CHODL: variants seen among roughly 807,000 people sequenced by gnomAD.
The protein encoded by CHODL is transmembrane protein MT75.
Under a neutral mutation model 34.5 loss-of-function variants are expected in CHODL, and 29 were observed. That is an observed-to-expected ratio of 0.84 (90% CI 0.63 to 1.15). CHODL has a LOEUF of 1.15. Among genes scored for constraint, CHODL ranks in the 50% most tolerant of loss-of-function variants. The probability of loss-of-function intolerance (pLI) is 0.00; values close to 1 mark genes in which losing one functional copy is unlikely to be tolerated. For synonymous variants in CHODL, 125 were observed against 116.1 expected (o/e 1.08, Z -0.49); for missense variants, 332 against 332.5 (o/e 1.00, Z 0.01).
At chr21:18,040,607 G>C (rs1326286946) in intron 2 of CHODL, among the ~76,000 whole-genome samples, 5 of 151,722 alleles carry the variant, frequency 3.3e-5, no homozygotes, top group African/African-American at 1.2e-4. Flanking sequence ...GTAACAAAAA[G>C]CTTCTTAATG....
At chr21:18,098,493 CTCA>C (rs1336040640) in intron 2 of CHODL, among the ~76,000 whole-genome samples, 4 of 152,008 alleles carry the variant, frequency 2.6e-5, no homozygotes, top group Admixed American at 2.0e-4. Context: ...GTGCTCACTT[CTCA>C]TCAGAGAAAT....
At chr21:17,973,408 T>A (rs866904506) in intron 1 of CHODL, among the ~76,000 whole-genome samples, 12 of 130,958 alleles carry the variant, frequency 9.2e-5, no homozygotes, top group Non-Finnish European at 1.9e-4. Context: ...TCTTTTCTTT[T>A]CTTTCTTTCT....
chr21:18,250,127 T>G (rs2074217248), intron 1 of CHODL, among the ~76,000 whole-genome samples: 1 of 152,144 alleles, frequency 6.6e-6, no homozygotes, highest in African/African-American at 2.4e-5. Flanking sequence ...TCTATAAAAC[T>G]CATAACTGGT....
intron 2 of CHODL, among the ~76,000 whole-genome samples, chr21:18,233,017 G>A (rs1231137650): frequency 7.0e-6 from 1 of 142,468 alleles, no homozygotes; most frequent in Non-Finnish European, 1.5e-5. Flanking sequence ...CACACACAGT[G>A]TGGAATGATT....
intron 1 of CHODL, among the ~76,000 whole-genome samples, chr21:17,973,611 G>A (rs1212385097): frequency 2.7e-5 from 4 of 150,408 alleles, no homozygotes; most frequent in Non-Finnish European, 4.4e-5. Context: ...TAGTAGAGAC[G>A]GAGTTTCACC....
intron 2 of CHODL, among the ~76,000 whole-genome samples, chr21:18,223,456 A>T (rs991861772): frequency 2.6e-5 from 4 of 152,198 alleles, no homozygotes. Context: ...GAGACTTACG[A>T]TTTACCAACC....
At chr21:18,071,913 G>C (rs1402414599) in intron 2 of CHODL, among the ~76,000 whole-genome samples, 1 of 152,088 alleles carries the variant, frequency 6.6e-6, no homozygotes, top group Non-Finnish European at 1.5e-5. Flanking sequence ...GCTGGTCTGT[G>C]CATTGTAAAA....
At chr21:18,265,053 T>TAA (rs1264156178) in intron 5 of CHODL, among the ~76,000 whole-genome samples, 3 of 151,614 alleles carry the variant, frequency 2.0e-5, no homozygotes, top group Non-Finnish European at 4.4e-5. Flanking sequence ...TCAAAGAAAA[T>TAA]AAAGGTATTT....
At chr21:18,257,408 G>A (rs2074331043) in intron 3 of CHODL, among the ~76,000 whole-genome samples, 1 of 152,000 alleles carries the variant, frequency 6.6e-6, no homozygotes, top group Non-Finnish European at 1.5e-5. Flanking sequence ...TTTGTAAATA[G>A]ATTTTATAAA....
At chr21:18,258,435 CTTTT>C (rs912123947) in intron 3 of CHODL, among the ~76,000 whole-genome samples, 18 of 152,002 alleles carry the variant, frequency 1.2e-4, no homozygotes, top group African/African-American at 4.3e-4. Flanking sequence ...CTTCTCCTTT[CTTTT>C]GAGTTCAAAG....
chr21:18,213,876 A>C (rs143512357), intron 2 of CHODL, among the ~76,000 whole-genome samples: 321 of 152,202 alleles, frequency 2.1e-3, no homozygotes, highest in Non-Finnish European at 3.8e-3. Flanking sequence ...TCAGGCAGTC[A>C]CTATCCCCAC....
chr21:18,103,866 A>C (rs1268190869), intron 2 of CHODL, among the ~76,000 whole-genome samples: 1 of 152,126 alleles, frequency 6.6e-6, no homozygotes, highest in East Asian at 1.9e-4. Context: ...TTATCAAGAG[A>C]GATATACAGT....
At chr21:17,980,886 A>C (rs1159366341) in intron 1 of CHODL, among the ~76,000 whole-genome samples, 1 of 152,170 alleles carries the variant, frequency 6.6e-6, no homozygotes, top group East Asian at 1.9e-4. Context: ...AGATGAGAGA[A>C]GAGTCTGGGC....
At chr21:17,962,845 T>C (rs1233026950) in intron 1 of CHODL, among the ~76,000 whole-genome samples, 1 of 151,820 alleles carries the variant, frequency 6.6e-6, no homozygotes, top group Non-Finnish European at 1.5e-5. Flanking sequence ...GGGTGGATCA[T>C]GAGGTCAGGA....
intron 2 of CHODL, among the ~76,000 whole-genome samples, chr21:18,063,893 C>T (rs1348091926): frequency 6.6e-6 from 1 of 152,124 alleles, no homozygotes; most frequent in Non-Finnish European, 1.5e-5. Flanking sequence ...ATTTCTCACT[C>T]CTACTTTCTG....
At chr21:18,117,549 TA>T (rs2146571106) in intron 2 of CHODL, among the ~76,000 whole-genome samples, 1 of 152,050 alleles carries the variant, frequency 6.6e-6, no homozygotes, top group South Asian at 2.1e-4. Context: ...TACTCATTCA[TA>T]AAAAAATTAC....
In CHODL at chr21:18,128,958, T is replaced by A. The variant is rs532170319; in HGVS notation, c.-45+100987T>A. 2.6e-5 allele frequency among the ~76,000 whole-genome samples: 4 copies of A among 152,260 alleles called. No individual in the cohort carries two copies. The East Asian group carries it at 7.7e-4, about 29-fold the overall frequency. ...GAAACCTTTTCTTTATCTAAATAAT[T>A]ATACCCCACTTTGTAGTTTTATGCC... On this transcript the variant is annotated intron_variant, in intron 2 of 6. Transcript: ENST00000400127.
intron 1 of CHODL, among the ~76,000 whole-genome samples, chr21:17,985,029 T>C (rs1169872908): frequency 6.6e-6 from 1 of 152,156 alleles, no homozygotes; most frequent in Non-Finnish European, 1.5e-5. Flanking sequence ...TAGTCTTCGT[T>C]GTCACAAATT....
At chr21:18,077,865 T>C (rs2064885280) in intron 2 of CHODL, among the ~76,000 whole-genome samples, 1 of 152,164 alleles carries the variant, frequency 6.6e-6, no homozygotes, top group Non-Finnish European at 1.5e-5. Context: ...ACAACCTTAT[T>C]ACCATCATCA....
Sources: allele counts gnomAD v4.1 joint callset (sites outside exome capture counted in the v4.1 genomes callset), GRCh38; gene constraint gnomAD v4.1.1; transcripts MANE v1.5; gene names NCBI Gene and HGNC (gene_info 2026-07-23, HGNC 2026-07-21).